The following CUX2 variants were observed in gnomAD, a reference collection of about 807,000 sequenced individuals.
CUX2 encodes cut like homeobox 2, also known as homeobox protein cut-like 2.
In CUX2, 40 loss-of-function variants were observed where a neutral mutation model predicts 144.8. The observed-to-expected ratio is 0.28, with a 90% CI of 0.21 to 0.36. The LOEUF (loss-of-function observed/expected upper bound fraction) is 0.36. Ranked by LOEUF, CUX2 falls within the 10% of genes least tolerant of loss-of-function variation. The pLI, the probability that CUX2 is intolerant of heterozygous loss-of-function variation, is 1.00. For synonymous variants in CUX2, 827 were observed against 875.6 expected (o/e 0.94, Z 0.98); for missense variants, 1,615 against 1,994.0 (o/e 0.81, Z 3.62).
rs774611463 is a variant in CUX2, at chr12:111,320,591, C to T, written c.2582C>T (p.Ala861Val). 2.6e-6 allele frequency: 4 copies of T among 1,525,908 alleles called. No homozygotes were observed. The highest frequency in any genetic ancestry group is 1.2e-5 in the South Asian group (1 of 82,678). The allele number at this position is 1,525,908 out of a possible 1,614,324, so 94.5% of individuals were successfully genotyped here. ...ELKAEGATAE[A>V]GARLPYYPAY... Reference sequence around the variant, plus strand: ...AAGGCTGAGGGCGCGACGGCCGAGGCGGGCGCGCGGCTGCCCTACTACCCG... The same window carrying T: ...AAGGCTGAGGGCGCGACGGCCGAGGTGGGCGCGCGGCTGCCCTACTACCCG... The change falls in exon 17 of 22, where the codon GCG becomes GTG. Residue 861 changes from alanine (A) to valine (V), a missense_variant. Coordinates refer to ENST00000261726, the MANE Select transcript of CUX2 (RefSeq NM_015267.4). The surrounding 1 kb of genome is among the most constrained non-coding windows in gnomAD (Gnocchi z 8.1).
At chr12:111,169,382 T>G (rs1053134174) in intron 1 of CUX2, among the ~76,000 whole-genome samples, 1 of 152,194 alleles carries the variant, frequency 6.6e-6, no homozygotes, top group Non-Finnish European at 1.5e-5. Context: ...ACATTCCTGT[T>G]GTTTTAAACT....
In CUX2 at chr12:111,310,181, A is replaced by G; in HGVS notation, c.1399A>G (p.Ser467Gly). Residue 467 changes from serine to glycine, a missense_variant, in exon 15 of 22, where the codon AGC becomes GGC. Coordinates refer to ENST00000261726, the MANE Select transcript of CUX2 (RefSeq NM_015267.4). This position sits in a 1 kb window ranked among gnomAD's most constrained non-coding sequence, Gnocchi z 7.9. ...PSPGQPLLGPSLGPDGTRTFS... is the reference protein window; with the variant it reads ...PSPGQPLLGPGLGPDGTRTFS... ...CCCCGGGCAGCCCCTGCTGGGCCCC[A>G]GCTTGGGGCCTGACGGCACTCGGAC... The G allele has an allele frequency of 6.4e-7, 1 of 1,552,266 alleles. No homozygotes were observed. The highest frequency in any genetic ancestry group is 1.2e-5 in the South Asian group (1 of 81,736).
chr12:111,102,305 CAAGG>C (rs1209276107), intron 1 of CUX2, among the ~76,000 whole-genome samples: 9 of 152,234 alleles, frequency 5.9e-5, no homozygotes, highest in African/African-American at 2.2e-4. Context: ...AGCCAGCCGA[CAAGG>C]AAGCCACCTG....
At chr12:111,194,893 G>A (rs1244443220) in intron 1 of CUX2, among the ~76,000 whole-genome samples, 5 of 152,164 alleles carry the variant, frequency 3.3e-5, no homozygotes, top group Non-Finnish European at 7.3e-5. Flanking sequence ...GTCTATCTGG[G>A]GACCCCCAGC....
At chr12:111,192,202 C>A (rs939085634) in intron 1 of CUX2, among the ~76,000 whole-genome samples, 3 of 151,528 alleles carry the variant, frequency 2.0e-5, no homozygotes, top group Non-Finnish European at 2.9e-5. Context: ...TCTCGGCTTA[C>A]TACAACCTCT....
chr12:111,333,906 G>A (rs1040679109), intron 18 of CUX2, among the ~76,000 whole-genome samples: 1 of 151,712 alleles, frequency 6.6e-6, no homozygotes, highest in South Asian at 2.1e-4. Flanking sequence ...ACTAAGCATC[G>A]GCCAGGTGTG....
Position 111,263,691 on chromosome 12 carries a change from A to C in CUX2, c.223-70A>C, listed in dbSNP as rs1884245317. 8.1e-7 allele frequency: 1 copy of C among 1,228,642 alleles called. No homozygotes were observed. Among genetic ancestry groups the C allele is most frequent in the South Asian group, 1.3e-5 (1 of 78,902 alleles). 76.1% of individuals were successfully genotyped at this position (1,228,642 alleles called of 1,614,324 possible). ...CAGATGTTTTCTTGTGGAAAAAAAA[A>C]ATGATGAAATTTGCTTGCAGACACA... is the stretch of plus-strand genomic sequence containing the variant. On this transcript the variant is annotated intron_variant, in intron 3 of 21. Transcript: ENST00000261726. The surrounding 1 kb of genome is among the most constrained non-coding windows in gnomAD (Gnocchi z 4.0).
chr12:111,064,795 C>T (rs1179998320), intron 1 of CUX2, among the ~76,000 whole-genome samples: 2 of 152,164 alleles, frequency 1.3e-5, no homozygotes, highest in Non-Finnish European at 2.9e-5. Flanking sequence ...AAGTGAATGA[C>T]CCATCTCTGA....
chr12:111,225,858 C>G (rs1882108505), intron 3 of CUX2, among the ~76,000 whole-genome samples: 1 of 152,206 alleles, frequency 6.6e-6, no homozygotes, highest in Admixed American at 6.5e-5. Context: ...GAACTTGGTA[C>G]ATAATAAGTG....
intron 1 of CUX2, among the ~76,000 whole-genome samples, chr12:111,200,757 G>A (rs920253826): frequency 6.6e-6 from 1 of 152,142 alleles, no homozygotes; most frequent in African/African-American, 2.4e-5. Flanking sequence ...ATTGGTGGGG[G>A]GCAGGAACAT....
intron 1 of CUX2, among the ~76,000 whole-genome samples, chr12:111,158,328 T>C (rs1416061897): frequency 6.6e-6 from 1 of 151,692 alleles, no homozygotes; most frequent in Non-Finnish European, 1.5e-5. Flanking sequence ...AAGAATGAGC[T>C]CAAGTGCGGT....
At position 111,348,651 on chromosome 12, in the gene CUX2, C is replaced by A. The variant is rs1324561940; in HGVS notation, c.*326C>A. The A allele has an allele frequency of 8.8e-6, 2 of 228,518 alleles. No individual in the cohort carries two copies. The highest frequency in any genetic ancestry group is 1.7e-5 in the Non-Finnish European group (2 of 117,866). 14.2% of individuals were successfully genotyped at this position (228,518 alleles called of 1,614,324 possible). Reference sequence around the variant, plus strand: ...AAAATAAATAAATATTTATAGACCTCTTTTAGATATTTTAATAAAGGATCC... The same window carrying A: ...AAAATAAATAAATATTTATAGACCTATTTTAGATATTTTAATAAAGGATCC... On this transcript the variant is annotated 3_prime_UTR_variant, in exon 22 of 22. Transcript: ENST00000261726.
At chr12:111,144,555 T>C (rs1298211333) in intron 1 of CUX2, among the ~76,000 whole-genome samples, 2 of 152,226 alleles carry the variant, frequency 1.3e-5, no homozygotes, top group African/African-American at 2.4e-5. Context: ...GGCTTCACTC[T>C]GCAGAAGCAC....
intron 1 of CUX2, among the ~76,000 whole-genome samples, chr12:111,050,067 A>G (rs1362779973): frequency 6.6e-6 from 1 of 152,110 alleles, no homozygotes; most frequent in East Asian, 1.9e-4. Flanking sequence ...CCCTTCACCT[A>G]CATCCTCCTC....
rs764430386 is a variant in CUX2, at chr12:111,307,136, CG to C, written c.1050+27del. ...AAGTGGGTCCTGGGGAGGAGGCAGGCGGGCAGGCGGCCCCATGCAGAAGCAC... is the reference window on the plus strand; with the variant it reads ...AAGTGGGTCCTGGGGAGGAGGCAGGCGGCAGGCGGCCCCATGCAGAAGCAC... On this transcript the variant is annotated intron_variant, in intron 11 of 21. Transcript: ENST00000261726. This position sits in a 1 kb window ranked among gnomAD's most constrained non-coding sequence, Gnocchi z 4.1. 5 of 1,613,022 alleles carry C rather than the reference CG, an allele frequency of 3.1e-6. No homozygotes were observed. Among genetic ancestry groups the C allele is most frequent in the Non-Finnish European group, 4.2e-6 (5 of 1,179,364 alleles).
chr12:111,293,719 C>T lies in CUX2; in HGVS notation c.560+150C>T. The T allele has an allele frequency of 8.5e-7, 1 of 1,177,420 alleles. No individual in the cohort carries two copies. The allele number at this position is 1,177,420 out of a possible 1,614,324, so 72.9% of individuals were successfully genotyped here. ...GAGAAAGGGCCGAGGGCTTTGGACTCCAACCGGGTCTGGGTTCAAGTTCCA... is the reference window on the plus strand; with the variant it reads ...GAGAAAGGGCCGAGGGCTTTGGACTTCAACCGGGTCTGGGTTCAAGTTCCA... On this transcript the variant is annotated intron_variant, in intron 6 of 21. Coordinates refer to ENST00000261726, the MANE Select transcript of CUX2 (RefSeq NM_015267.4). The surrounding 1 kb of genome is among the most constrained non-coding windows in gnomAD (Gnocchi z 4.5).
chr12:111,075,573 C>T (rs1871488378), intron 1 of CUX2, among the ~76,000 whole-genome samples: 1 of 152,074 alleles, frequency 6.6e-6, no homozygotes, highest in Non-Finnish European at 1.5e-5. Flanking sequence ...AGCTGCTCAC[C>T]TTCCATGTCC....
chr12:111,234,511 C>T (rs1373756047), intron 3 of CUX2, among the ~76,000 whole-genome samples: 1 of 152,030 alleles, frequency 6.6e-6, no homozygotes, highest in Non-Finnish European at 1.5e-5. Context: ...CCAGGTGTAC[C>T]AATGAGAGTG....
Position 111,303,221 on chromosome 12 carries a change from G to GA in CUX2, c.754-963dup, listed in dbSNP as rs5800927. Among the ~76,000 whole-genome samples the GA allele has an allele frequency of 6.0e-3, 297 of 49,352 alleles. 20 individuals carry two copies. Among genetic ancestry groups the GA allele is most frequent in the Non-Finnish European group, 8.9e-3 (239 of 26,878 alleles). 32.4% of individuals were successfully genotyped at this position (49,352 alleles called of 152,430 possible). A position where few individuals can be genotyped will look rare whatever the true frequency, so the allele number is the denominator to read the frequency against. On this transcript the variant is annotated intron_variant, in intron 9 of 21. Transcript: ENST00000261726. ...GGGTGACAGAGCGAGACCCTGTCTC[G>GA]AAAAAAAAAAAAAAAAAAAAAAAAA...
Sources: allele counts gnomAD v4.1 joint callset (sites outside exome capture counted in the v4.1 genomes callset), GRCh38; gene constraint gnomAD v4.1.1; non-coding constraint Gnocchi (gnomAD v3.1); transcripts MANE v1.5; gene names NCBI Gene and HGNC (gene_info 2026-07-23, HGNC 2026-07-21).